Variants in ATP2B2 observed in about 807,000 individuals in gnomAD.
ATP2B2 encodes the protein plasma membrane calcium-transporting ATPase 2.
ATP2B2 carries 15 observed loss-of-function variants against 120.0 expected under a neutral mutation model. The ratio of observed to expected loss-of-function variants is 0.12; its 90% confidence interval spans 0.08 to 0.19. The LOEUF (loss-of-function observed/expected upper bound fraction) is 0.19, where lower values mean the gene tolerates loss of function less well. ATP2B2 is among the 10% of genes least tolerant of loss of function. The pLI, the probability that ATP2B2 is intolerant of heterozygous loss-of-function variation, is 1.00. For missense variants in ATP2B2, 1,045 were observed against 1,719.8 expected (o/e 0.61, Z 6.94); for synonymous variants, 694 against 700.3 (o/e 0.99, Z 0.14).
chr3:10,680,694 C>T (rs924683381), intron 1 of ATP2B2, among the ~76,000 whole-genome samples: 3 of 152,168 alleles, frequency 2.0e-5, no homozygotes, highest in Non-Finnish European at 2.9e-5. Flanking sequence ...TAATAGAAAC[C>T]TTTTACACAT....
intron 2 of ATP2B2, among the ~76,000 whole-genome samples, chr3:10,412,405 T>C (rs2062642566): frequency 6.6e-6 from 1 of 152,114 alleles, no homozygotes; most frequent in Admixed American, 6.5e-5. Context: ...CCGGTGCTTC[T>C]CCTTGCTTCA....
At chr3:10,550,108 C>T (rs1160667339) in intron 2 of ATP2B2, among the ~76,000 whole-genome samples, 1 of 152,208 alleles carries the variant, frequency 6.6e-6, no homozygotes, top group South Asian at 2.1e-4. Context: ...GAACTTAGCC[C>T]AAGGGAGTCT....
In ATP2B2 at chr3:10,329,143, G is replaced by C; in HGVS notation, c.3421-18C>G. On this transcript the variant is annotated intron_variant, in intron 22 of 22. Transcript: ENST00000360273. The surrounding 1 kb of genome is among the most constrained non-coding windows in gnomAD (Gnocchi z 5.9). ...ACGCGGATCTGCAAGGGAAGCACAG[G>C]GGTCAGGAGCACTGCCCAGGGACCA... is the stretch of plus-strand genomic sequence containing the variant. 6.2e-7 allele frequency: 1 copy of C among 1,611,162 alleles called. No homozygotes were observed. The highest frequency in any genetic ancestry group is 8.5e-7 in the Non-Finnish European group (1 of 1,179,882).
At chr3:10,607,945 C>G (rs1321164403) in intron 2 of ATP2B2, among the ~76,000 whole-genome samples, 1 of 152,176 alleles carries the variant, frequency 6.6e-6, no homozygotes, top group Admixed American at 6.5e-5. Flanking sequence ...CCCTCCCTCT[C>G]TCTTCCACCT....
chr3:10,539,420 T>A (rs1320067968), intron 2 of ATP2B2, among the ~76,000 whole-genome samples: 1 of 152,068 alleles, frequency 6.6e-6, no homozygotes, highest in African/African-American at 2.4e-5. Flanking sequence ...TCTAAGACAA[T>A]CCTAAGCAAA....
intron 10 of ATP2B2, among the ~76,000 whole-genome samples, chr3:10,376,900 G>C (rs2061396196): frequency 6.6e-6 from 1 of 152,176 alleles, no homozygotes; most frequent in Non-Finnish European, 1.5e-5. Context: ...GGGATCGGGA[G>C]AGGCTGGGAG....
chr3:10,455,428 T>C (rs1015158537), intron 1 of ATP2B2, among the ~76,000 whole-genome samples: 1 of 152,202 alleles, frequency 6.6e-6, no homozygotes, highest in African/African-American at 2.4e-5. Context: ...CTATGTGACC[T>C]TGGAGAAGTC....
At chr3:10,404,717 G>A (rs78977661) in intron 3 of ATP2B2, among the ~76,000 whole-genome samples, 1,877 of 152,236 alleles carry the variant, frequency 0.012, 36 homozygotes, top group African/African-American at 0.039. Flanking sequence ...AATGGTGAAC[G>A]GTGCCTCCTG....
At chr3:10,494,237 G>A (rs57506778) in intron 1 of ATP2B2, among the ~76,000 whole-genome samples, 5,705 of 152,184 alleles carry the variant, frequency 0.037, 193 homozygotes, top group African/African-American at 0.088. Flanking sequence ...CTGATCCCAC[G>A]ACTGCTGCTA....
At chr3:10,398,587 G>A (rs927938444) in intron 5 of ATP2B2, among the ~76,000 whole-genome samples, 1 of 152,196 alleles carries the variant, frequency 6.6e-6, no homozygotes, top group Non-Finnish European at 1.5e-5. Flanking sequence ...TCTGTCCCCA[G>A]TCCCCTTGTC....
chr3:10,372,185 G>T, intron 11 of ATP2B2, 134 bp from the exon 12 acceptor site: 1 of 1,298,484 alleles, frequency 7.7e-7, no homozygotes. Flanking sequence ...TCCGGCACTT[G>T]TAAAGGATCT....
chr3:10,562,466 G>T (rs1039964689), intron 2 of ATP2B2, among the ~76,000 whole-genome samples: 1 of 152,142 alleles, frequency 6.6e-6, no homozygotes, highest in Non-Finnish European at 1.5e-5. Flanking sequence ...ACTAGTCTAT[G>T]GGTCTTCTCT....
chr3:10,550,514 G>A (rs1348727825), intron 2 of ATP2B2, among the ~76,000 whole-genome samples: 1 of 152,100 alleles, frequency 6.6e-6, no homozygotes, highest in East Asian at 1.9e-4. Flanking sequence ...CTATGTGATA[G>A]TTTTTTAAAA....
intron 1 of ATP2B2, among the ~76,000 whole-genome samples, chr3:10,480,335 C>T (rs2065362224): frequency 6.6e-6 from 1 of 152,138 alleles, no homozygotes; most frequent in Non-Finnish European, 1.5e-5. Context: ...TGTCGAGCAC[C>T]AAATAGGCGC....
At chr3:10,617,945 C>T (rs188405534) in intron 2 of ATP2B2, among the ~76,000 whole-genome samples, 1 of 152,092 alleles carries the variant, frequency 6.6e-6, no homozygotes, top group African/African-American at 2.4e-5. Context: ...CTGTGTTGAC[C>T]CCACTAGAAT....
intron 3 of ATP2B2, among the ~76,000 whole-genome samples, chr3:10,514,847 CCT>C (rs1395141193): frequency 2.0e-5 from 3 of 152,314 alleles, no homozygotes; most frequent in Admixed American, 1.3e-4. Flanking sequence ...GGCTGGGCCA[CCT>C]CTCTCACTGC....
intron 1 of ATP2B2, among the ~76,000 whole-genome samples, chr3:10,465,347 C>G (rs1298246871): frequency 6.6e-6 from 1 of 152,264 alleles, no homozygotes; most frequent in Non-Finnish European, 1.5e-5. Flanking sequence ...GCTTTCTCAG[C>G]CTTGCAGTTG....
At chr3:10,582,369 T>C (rs369737031) in intron 2 of ATP2B2, among the ~76,000 whole-genome samples, 23 of 152,246 alleles carry the variant, frequency 1.5e-4, no homozygotes, top group Admixed American at 5.2e-4. Flanking sequence ...AAGGAGACAT[T>C]CTACATCTTT....
rs2065217123 is a variant in ATP2B2, at chr3:10,476,708, C to T, written c.-319-26846G>A. Among the ~76,000 whole-genome samples, 3 of 152,224 alleles carry T rather than the reference C, an allele frequency of 2.0e-5. No individual in the cohort carries two copies. The South Asian group carries it at 6.2e-4, about 32-fold the overall frequency. ...AACGCAAAGCTAATTATTCCAGACA[C>T]CAAGTTCCTTTAACCATAATTGATC... On this transcript the variant is annotated intron_variant, in intron 1 of 22. Coordinates refer to ENST00000360273, the MANE Select transcript of ATP2B2 (RefSeq NM_001001331.4).
Sources: gnomAD v4.1 joint callset for allele counts (sites outside exome capture counted in the v4.1 genomes callset) on GRCh38, gnomAD v4.1.1 for gene constraint, Gnocchi (gnomAD v3.1) non-coding constraint, MANE v1.5 for transcripts, NCBI Gene and HGNC (gene_info 2026-07-23, HGNC 2026-07-21) for gene names.